Variants in TNFRSF10A observed in about 807,000 individuals in gnomAD.
The protein encoded by TNFRSF10A is TNF receptor superfamily member 10a.
In TNFRSF10A, 44 loss-of-function variants were observed where a neutral mutation model predicts 42.8. The ratio of observed to expected loss-of-function variants is 1.03; its 90% CI spans 0.81 to 1.32. The LOEUF is 1.32. Ranked by LOEUF, TNFRSF10A falls within the 40% of genes most tolerant of loss-of-function variation. The pLI is 0.00. For synonymous variants in TNFRSF10A, 259 were observed against 234.2 expected, an observed-to-expected ratio of 1.11 and a Z score of -0.97; for missense variants, 680 against 602.0, an observed-to-expected ratio of 1.13 and a Z score of -1.36.
intron 2 of TNFRSF10A, among the ~76,000 whole-genome samples, chr8:23,208,360 T>C (rs1438272807): frequency 1.3e-5 from 2 of 152,136 alleles, no homozygotes; most frequent in Admixed American, 1.3e-4. Flanking sequence ...AGGCATTCAG[T>C]TTTTTTGTTT....
chr8:23,200,882 C>A (rs1359668930), intron 4 of TNFRSF10A, 122 bp from the exon 5 acceptor site: 1 of 921,360 alleles, frequency 1.1e-6, no homozygotes, highest in South Asian at 1.4e-5. Flanking sequence ...GGATAGTCTC[C>A]TCGTATCTGC....
intron 1 of TNFRSF10A, among the ~76,000 whole-genome samples, chr8:23,217,671 A>G (rs1801203251): frequency 6.6e-6 from 1 of 152,066 alleles, no homozygotes; most frequent in Non-Finnish European, 1.5e-5. Context: ...AAACATGTCT[A>G]TGAAAGGCTG....
chr8:23,204,487 C>T (rs943012875), intron 2 of TNFRSF10A, among the ~76,000 whole-genome samples: 3 of 151,994 alleles, frequency 2.0e-5, no homozygotes, highest in African/African-American at 7.2e-5. Context: ...GGAATTCATA[C>T]CAAAAAAATC....
At chr8:23,196,318 C>T (rs564019187) in intron 9 of TNFRSF10A, among the ~76,000 whole-genome samples, 2 of 152,222 alleles carry the variant, frequency 1.3e-5, no homozygotes, top group Admixed American at 6.5e-5. Context: ...CTCAGCCTCC[C>T]GAATAGCTGG....
At chr8:23,219,836 T>C (rs1801233894) in intron 1 of TNFRSF10A, among the ~76,000 whole-genome samples, 1 of 152,204 alleles carries the variant, frequency 6.6e-6, no homozygotes, top group Admixed American at 6.5e-5. Context: ...ACAAATATAT[T>C]ACCAACAAAC....
At chr8:23,218,310 G>A (rs1053244959) in intron 1 of TNFRSF10A, among the ~76,000 whole-genome samples, 3 of 152,132 alleles carry the variant, frequency 2.0e-5, no homozygotes, top group African/African-American at 4.8e-5. Flanking sequence ...TGTTCCTCTC[G>A]GATTAGCATT....
chr8:23,217,026 G>A (rs1406954176), intron 1 of TNFRSF10A, among the ~76,000 whole-genome samples: 2 of 152,140 alleles, frequency 1.3e-5, no homozygotes, highest in Non-Finnish European at 2.9e-5. Flanking sequence ...CTCTATAAAT[G>A]TCAGTTAAGT....
intron 1 of TNFRSF10A, among the ~76,000 whole-genome samples, chr8:23,219,169 G>A (rs1801224389): frequency 6.6e-6 from 1 of 152,224 alleles, no homozygotes; most frequent in East Asian, 1.9e-4. Flanking sequence ...CCACCAGACT[G>A]TGGGCTTCAG....
In TNFRSF10A at chr8:23,191,553, G is replaced by T; in HGVS notation, c.*141C>A. The T allele has an allele frequency of 7.9e-7, 1 of 1,259,244 alleles. No homozygotes were observed. Among genetic ancestry groups the T allele is most frequent in the Non-Finnish European group, 1.1e-6 (1 of 942,560 alleles). The allele number at this position is 1,259,244 out of a possible 1,614,324, so 78.0% of individuals were successfully genotyped here. ...GACCTCAAGTGATCCACCCGCCTCA[G>T]CCTCCCAAAGTGCTGGGATTACAGG... On this transcript the variant is annotated 3_prime_UTR_variant, in exon 10 of 10. Transcript: ENST00000221132.
In TNFRSF10A at chr8:23,212,097, G is replaced by A. The variant is rs1227638583; in HGVS notation, c.403+19C>T. ...GAAAAGAGAGGTGTAAAGGATTAGA[G>A]ATCAGTCTTAGAATGTACCTGGTGG... On this transcript the variant is annotated intron_variant, in intron 2 of 9. Coordinates refer to ENST00000221132, the MANE Select transcript of TNFRSF10A (RefSeq NM_003844.4). The A allele has an allele frequency of 1.2e-6, 2 of 1,601,656 alleles. No individual in the cohort carries two copies. Among genetic ancestry groups the A allele is most frequent in the South Asian group, 2.2e-5 (2 of 90,816 alleles).
chr8:23,199,996 G>T, intron 6 of TNFRSF10A, 79 bp from the exon 7 acceptor site: 1 of 1,573,154 alleles, frequency 6.4e-7, no homozygotes, highest in Non-Finnish European at 8.7e-7. Context: ...TGTTGGGCAG[G>T]GGTGGGCTGG....
chr8:23,212,071 G>T (rs771985462), intron 2 of TNFRSF10A, 45 bp downstream of exon 2: 3 of 1,534,900 alleles, frequency 2.0e-6, no homozygotes, highest in South Asian at 1.1e-5. Flanking sequence ...TATAGGGTAA[G>T]GAAAAGAGAG....
At chr8:23,222,028 C>T (rs1437363096) in intron 1 of TNFRSF10A, among the ~76,000 whole-genome samples, 1 of 152,154 alleles carries the variant, frequency 6.6e-6, no homozygotes, top group East Asian at 1.9e-4. Flanking sequence ...AGGCGCCCGC[C>T]ACCGTGCCTG....
At position 23,199,226 on chromosome 8, in the gene TNFRSF10A, C is replaced by T. The variant is rs749830162; in HGVS notation, c.1014+40G>A. 75 of 1,590,062 alleles carry T rather than the reference C, an allele frequency of 4.7e-5. 1 individual carries two copies. The East Asian group carries it at 1.0e-3, about 22-fold the overall frequency. On this transcript the variant is annotated intron_variant, in intron 8 of 9. Coordinates refer to ENST00000221132, the MANE Select transcript of TNFRSF10A (RefSeq NM_003844.4). ...GAGAGCCGAGGCATGGCCTTCACCC[C>T]CTGCCTACAAGGTCTTGGAGGGGCC... is the stretch of plus-strand genomic sequence containing the variant.
intron 9 of TNFRSF10A, among the ~76,000 whole-genome samples, chr8:23,192,219 C>T (rs1047241568): frequency 4.6e-5 from 7 of 152,200 alleles, no homozygotes; most frequent in Non-Finnish European, 8.8e-5. Context: ...AAGGCGCTGA[C>T]GGGCGTCAAG....
intron 2 of TNFRSF10A, among the ~76,000 whole-genome samples, chr8:23,205,253 T>C (rs1800988105): frequency 6.6e-6 from 1 of 152,104 alleles, no homozygotes; most frequent in Admixed American, 6.5e-5. Context: ...CGGTCAACAA[T>C]GAACCACATA....
intron 1 of TNFRSF10A, chr8:23,224,299 CAAAAAA>C (rs71208595): frequency 2.3e-4 from 23 of 101,758 alleles, no homozygotes; most frequent in East Asian, 6.8e-4. Context: ...GACTCCGTTT[CAAAAAA>C]AAAAAAAAAA....
chr8:23,214,951 A>C (rs909010856), intron 1 of TNFRSF10A, among the ~76,000 whole-genome samples: 1 of 152,234 alleles, frequency 6.6e-6, no homozygotes, highest in African/African-American at 2.4e-5. Flanking sequence ...CTGTGCAATA[A>C]ATTACATTAT....
intron 1 of TNFRSF10A, among the ~76,000 whole-genome samples, chr8:23,217,564 C>T (rs1316935513): frequency 6.6e-6 from 1 of 152,142 alleles, no homozygotes; most frequent in African/African-American, 2.4e-5. Flanking sequence ...AAAATCTCTA[C>T]TAATAGCAAG....
Sources: allele counts gnomAD v4.1 joint callset (sites outside exome capture counted in the v4.1 genomes callset), GRCh38; gene constraint gnomAD v4.1.1; transcripts MANE v1.5; gene names NCBI Gene and HGNC (gene_info 2026-07-23, HGNC 2026-07-21).